CYP2E1: variants seen among roughly 807,000 people sequenced by gnomAD.
CYP2E1 encodes cytochrome P450 2E1.
A neutral mutation model predicts 42.9 loss-of-function variants in CYP2E1; 31 were observed. The ratio of observed to expected loss-of-function variants is 0.72; its 90% CI spans 0.54 to 0.98. The LOEUF (loss-of-function observed/expected upper bound fraction) is 0.98, where lower values mean the gene tolerates loss of function less well. CYP2E1 is among the 50% of genes least tolerant of loss of function. The pLI is 0.00. For synonymous variants in CYP2E1, 244 were observed against 248.9 expected (o/e 0.98, Z 0.19); for missense variants, 565 against 633.2 (o/e 0.89, Z 1.16).
At chr10:133,529,563 G>A (rs947312106) in intron 2 of CYP2E1, among the ~76,000 whole-genome samples, 2 of 152,266 alleles carry the variant, frequency 1.3e-5, no homozygotes, top group African/African-American at 2.4e-5. Flanking sequence ...GTGAGCTCGT[G>A]CTCTTGCCCT....
chr10:133,536,006 G>A (rs557668316), intron 6 of CYP2E1, among the ~76,000 whole-genome samples: 27 of 152,306 alleles, frequency 1.8e-4, no homozygotes, highest in Non-Finnish European at 2.8e-4. Flanking sequence ...GCTCAAGGCA[G>A]CTGTTACCTC....
chr10:133,537,646 C>G (rs1851421725), intron 7 of CYP2E1, 105 bp from the exon 8 acceptor site: 1 of 983,718 alleles, frequency 1.0e-6, no homozygotes. Context: ...AATATACTAT[C>G]CTATATAGCA....
At chr10:133,531,288 AAAAG>A (rs1440000225) in intron 2 of CYP2E1, among the ~76,000 whole-genome samples, 1 of 152,156 alleles carries the variant, frequency 6.6e-6, no homozygotes, top group Non-Finnish European at 1.5e-5. Flanking sequence ...GCAGAAAGGA[AAAAG>A]AAAGAAGGTA....
rs972523964 is a variant in CYP2E1, at chr10:133,531,739, G to A, written c.487+5G>A. On this transcript the variant is annotated splice_donor_5th_base_variant and intron_variant, in intron 3 of 8. Transcript: ENST00000252945. ...AAGCACTCAGGAAGACCCAAGGTGC[G>A]TATCTGCTGCCTAGCAGGGCCCAGT... 4.4e-6 allele frequency: 7 copies of A among 1,582,380 alleles called. No individual in the cohort carries two copies. Among genetic ancestry groups the A allele is most frequent in the African/African-American group, 4.0e-5 (3 of 74,166 alleles).
chr10:133,527,786 C>T (rs944191808), intron 1 of CYP2E1, among the ~76,000 whole-genome samples: 1 of 152,170 alleles, frequency 6.6e-6, no homozygotes, highest in African/African-American at 2.4e-5. Flanking sequence ...AGGCCCCCGC[C>T]GGTGCCTTGT....
chr10:133,532,138 C>T lies in CYP2E1; in HGVS notation c.502C>T (p.Pro168Ser). The T allele has an allele frequency of 6.2e-7, 1 of 1,613,616 alleles. No homozygotes were observed. Residue 168 changes from proline to serine, a missense_variant, in exon 4 of 9, where the codon CCC (proline) becomes TCC (serine). By Grantham distance (74) the Pro-to-Ser change is moderately conservative (BLOSUM62 -1). Coordinates refer to ENST00000252945, the MANE Select transcript of CYP2E1 (RefSeq NM_000773.4). ...CTGTTTTGTAGGCCAGCCTTTCGAC[C>T]CCACCTTCCTCATCGGCTGCGCGCC... ...LRKTQGQPFD[P>S]TFLIGCAPCN...
chr10:133,539,036 A>C lies in CYP2E1; in HGVS notation c.*72A>C. 1.6e-6 allele frequency: 2 copies of C among 1,243,544 alleles called. No homozygotes were observed. Among genetic ancestry groups the C allele is most frequent in the Non-Finnish European group, 2.2e-6 (2 of 901,692 alleles). 77.0% of individuals were successfully genotyped at this position (1,243,544 alleles called of 1,614,324 possible). On this transcript the variant is annotated 3_prime_UTR_variant, in exon 9 of 9. Transcript: ENST00000252945. Reference sequence around the variant, plus strand: ...AATTGTTTGAGGTCAGGATTTCTCAAACTGATTCCTTTCTTTGCATATGAG... The same window carrying C: ...AATTGTTTGAGGTCAGGATTTCTCACACTGATTCCTTTCTTTGCATATGAG...
At position 133,527,408 on chromosome 10, in the gene CYP2E1, G is replaced by A. The variant is rs1401576094; in HGVS notation, c.13G>A (p.Gly5Arg). Residue 5 changes from glycine (G) to arginine (R), a missense_variant, in exon 1 of 9, where the codon GGA (glycine) becomes AGA (arginine). By Grantham distance (125) the Gly-to-Arg change is moderately radical (BLOSUM62 -2). Transcript: ENST00000252945. ...CCCCAGCGGCACCATGTCTGCCCTC[G>A]GAGTCACCGTGGCCCTGCTGGTGTG... MSAL[G>R]VTVALLVWAA... The A allele has an allele frequency of 2.5e-5, 40 of 1,609,752 alleles. No individual in the cohort carries two copies. Among genetic ancestry groups the A allele is most frequent in the Non-Finnish European group, 3.3e-5 (39 of 1,177,988 alleles).
chr10:133,532,417 G>A, intron 4 of CYP2E1, 133 bp downstream of exon 4: 2 of 907,554 alleles, frequency 2.2e-6, no homozygotes, highest in Non-Finnish European at 1.7e-6. Flanking sequence ...TGTTTGATTA[G>A]ACAGCCCAAA....
intron 7 of CYP2E1, 79 bp from the exon 8 acceptor site, chr10:133,537,672 C>A: frequency 8.0e-7 from 1 of 1,250,214 alleles, no homozygotes; most frequent in Non-Finnish European, 1.1e-6. Flanking sequence ...TTCAAAACTA[C>A]ATTCTTCACT....
chr10:133,528,474 T>C lies in CYP2E1; in HGVS notation c.178-7T>C. The C allele has an allele frequency of 6.2e-7, 1 of 1,612,392 alleles. No individual in the cohort carries two copies. Among genetic ancestry groups the C allele is most frequent in the Non-Finnish European group, 8.5e-7 (1 of 1,179,590 alleles). On this transcript the variant is annotated splice_polypyrimidine_tract_variant and splice_region_variant and intron_variant, in intron 1 of 8. Transcript: ENST00000252945. ...CGGGCCTGACTTCTAGCCACGGGTC[T>C]CCGCAGTTGGCCCAGCGCTTCGGGC...
Position 133,532,720 on chromosome 10 carries a change from A to G in CYP2E1, c.677A>G (p.His226Arg). ...QLYNNFPSFL[H>R]YLPGSHRKVI... ...TACAATAATTTTCCCAGCTTTCTAC[A>G]CTACTTGCCTGGAAGCCACAGAAAA... The change falls in exon 5 of 9, where the codon CAC becomes CGC. Residue 226 changes from histidine (H) to arginine (R), a missense_variant. His to Arg is a conservative substitution (Grantham distance 29). Coordinates refer to ENST00000252945, the MANE Select transcript of CYP2E1 (RefSeq NM_000773.4). 2 of 1,603,592 alleles carry G rather than the reference A, an allele frequency of 1.2e-6. No individual in the cohort carries two copies. Among genetic ancestry groups the G allele is most frequent in the Non-Finnish European group, 1.7e-6 (2 of 1,177,454 alleles).
At chr10:133,532,476 C>T (rs540678270) in intron 4 of CYP2E1, among the ~76,000 whole-genome samples, 192 bp downstream of exon 4, 6 of 152,120 alleles carry the variant, frequency 3.9e-5, no homozygotes, top group East Asian at 3.9e-4. Context: ...CCTTTCCTAA[C>T]GTCAGGATGT....
At chr10:133,529,832 G>A (rs549988792) in intron 2 of CYP2E1, among the ~76,000 whole-genome samples, 16 of 152,196 alleles carry the variant, frequency 1.1e-4, no homozygotes, top group Non-Finnish European at 1.8e-4. Context: ...ACAATTAGTG[G>A]CATTTGGTTT....
intron 6 of CYP2E1, among the ~76,000 whole-genome samples, chr10:133,535,582 C>A (rs1851385884): frequency 6.6e-6 from 1 of 152,146 alleles, no homozygotes; most frequent in Non-Finnish European, 1.5e-5. Flanking sequence ...CTACTCTGCA[C>A]TAGGGGAACC....
rs767255883 is a variant in CYP2E1 at position 133,528,618 on chromosome 10, G to C, written c.315G>C (p.Ala105=). ...DEFSGRGDLP[A]FHAHRDRGII... ...TCTCGGGCAGAGGCGACCTCCCCGC[G>C]TTCCATGCGCACAGGGACAGGGGTG... The change falls in exon 2 of 9, where the codon GCG becomes GCC. Residue 105 remains alanine (A), a synonymous_variant. Transcript: ENST00000252945. 7 of 1,613,334 alleles carry C rather than the reference G, an allele frequency of 4.3e-6. No individual in the cohort carries two copies. The South Asian group carries it at 6.6e-5, about 15-fold the overall frequency.
chr10:133,538,044 G>A (rs1851427056), intron 8 of CYP2E1, 152 bp downstream of exon 8: 1 of 670,266 alleles, frequency 1.5e-6, no homozygotes, highest in Non-Finnish European at 2.4e-6. Flanking sequence ...ACCCAAATGT[G>A]CTCTTCCCTG....
chr10:133,528,763 C>G (rs1303579860), intron 2 of CYP2E1, 123 bp downstream of exon 2: 2 of 1,237,186 alleles, frequency 1.6e-6, no homozygotes, highest in East Asian at 5.1e-5. Context: ...TAACAGCATC[C>G]GAAGGATGAG....
At chr10:133,537,556 T>C (rs960117410) in intron 7 of CYP2E1, 195 bp from the exon 8 acceptor site, 5 of 610,522 alleles carry the variant, frequency 8.2e-6, no homozygotes, top group Non-Finnish European at 8.5e-6. Context: ...TGTGAGAAGA[T>C]TAGGGCTTTC....
Sources: allele counts gnomAD v4.1 joint callset (sites outside exome capture counted in the v4.1 genomes callset), GRCh38; gene constraint gnomAD v4.1.1; transcripts MANE v1.5; gene names NCBI Gene and HGNC (gene_info 2026-07-23, HGNC 2026-07-21).